The following SCNN1B variants were observed in gnomAD, a reference collection of about 807,000 sequenced individuals.
The protein encoded by SCNN1B is sodium channel epithelial 1 subunit beta, also known as epithelial sodium channel subunit beta.
SCNN1B carries 46 observed loss-of-function variants against 65.3 expected under a neutral mutation model. The observed-to-expected ratio is 0.70, with a 90% CI of 0.56 to 0.90. The LOEUF (loss-of-function observed/expected upper bound fraction) is 0.90, where lower values mean the gene tolerates loss of function less well. SCNN1B is among the 40% of genes least tolerant of loss of function. The pLI, the probability that SCNN1B is intolerant of heterozygous loss-of-function variation, is 0.00. For synonymous variants in SCNN1B, 349 were observed against 330.6 expected, an observed-to-expected ratio of 1.06 and a Z score of -0.60; for missense variants, 751 against 830.5, an observed-to-expected ratio of 0.90 and a Z score of 1.18.
Position 23,371,313 on chromosome 16 carries a change from C to G in SCNN1B, c.895C>G (p.Leu299Val), listed in dbSNP as rs35728064. Residue 299 changes from leucine (L) to valine (V), a missense_variant, in exon 6 of 13, where the codon CTG (leucine) becomes GTG (valine). By Grantham distance (32) the Leu-to-Val change is conservative. Coordinates refer to ENST00000343070, the MANE Select transcript of SCNN1B (RefSeq NM_000336.3). ...PGTEFGLKLI[L>V]DIGQEDYVPF... ...CCTCCCCACAGGCCTGAAGTTGATC[C>G]TGGACATAGGCCAGGAAGACTACGT... The G allele has an allele frequency of 3.1e-6, 5 of 1,613,992 alleles. No individual in the cohort carries two copies. Among genetic ancestry groups the G allele is most frequent in the Non-Finnish European group, 4.2e-6 (5 of 1,180,010 alleles).
At chr16:23,283,507 G>A (rs903396558) in intron 1 of SCNN1B, among the ~76,000 whole-genome samples, 1 of 152,206 alleles carries the variant, frequency 6.6e-6, no homozygotes, top group African/African-American at 2.4e-5. Flanking sequence ...CTTGTGTAAT[G>A]TATTGAATAT....
chr16:23,303,195 C>G (rs1463659094), intron 1 of SCNN1B, among the ~76,000 whole-genome samples: 11 of 152,224 alleles, frequency 7.2e-5, no homozygotes, highest in Admixed American at 2.0e-4. Flanking sequence ...CATTCTCACT[C>G]TAGCGTGGAG....
Position 23,348,916 on chromosome 16 carries a change from T to C in SCNN1B, c.311+6T>C. 1 of 1,613,902 alleles carries C rather than the reference T, an allele frequency of 6.2e-7. No homozygotes were observed. On this transcript the variant is annotated splice_donor_region_variant and intron_variant, in intron 2 of 12. Transcript: ENST00000343070. This position sits in a 1 kb window ranked among gnomAD's most constrained non-coding sequence, Gnocchi z 4.5. ...TGCAATGCTAGCCCCTTCAAGTAGGTGGCCCCGGAGTGCACAGCTGGCCTC... is the reference window on the plus strand; with the variant it reads ...TGCAATGCTAGCCCCTTCAAGTAGGCGGCCCCGGAGTGCACAGCTGGCCTC...
intron 2 of SCNN1B, among the ~76,000 whole-genome samples, chr16:23,294,611 C>T (rs1427902465): frequency 6.6e-6 from 1 of 152,202 alleles, no homozygotes; most frequent in Non-Finnish European, 1.5e-5. Context: ...TCTGCCTGTA[C>T]ATTCTTCTTC....
intron 1 of SCNN1B, among the ~76,000 whole-genome samples, chr16:23,282,497 TG>T (rs1960797401): frequency 6.6e-6 from 1 of 152,222 alleles, no homozygotes. Context: ...AAGGAATCTA[TG>T]AATACTCCTC....
Position 23,380,128 on chromosome 16 carries a change from G to C in SCNN1B, c.1501G>C (p.Glu501Gln). 1 of 1,614,144 alleles carries C rather than the reference G, an allele frequency of 6.2e-7. No homozygotes were observed. The highest frequency in any genetic ancestry group is 8.5e-7 in the Non-Finnish European group (1 of 1,180,018). Residue 501 changes from glutamate to glutamine, a missense_variant, in exon 12 of 13, where the codon GAA (glutamate) becomes CAA (glutamine). By Grantham distance (29) the Glu-to-Gln change is conservative (BLOSUM62 2). Coordinates refer to ENST00000343070, the MANE Select transcript of SCNN1B (RefSeq NM_000336.3). The surrounding 1 kb of genome is among the most constrained non-coding windows in gnomAD (Gnocchi z 5.4). ...TGTCAAGCTCAACATCTACTTCCAA[G>C]AATTTAACTATCGCACCATTGAAGA... ...GIVKLNIYFQ[E>Q]FNYRTIEESA...
rs1201784601 is a variant in SCNN1B at position 23,316,692 on chromosome 16, TCAA to T, written c.-9+14258_-9+14260del. 2.6e-3 allele frequency among the ~76,000 whole-genome samples: 354 copies of T among 137,436 alleles called. 2 individuals are homozygous for T. Among genetic ancestry groups the T allele is most frequent in the African/African-American group, 9.1e-3 (325 of 35,798 alleles). 90.2% of individuals were successfully genotyped at this position (137,436 alleles called of 152,430 possible). On this transcript the variant is annotated intron_variant, in intron 1 of 12. Coordinates refer to ENST00000343070, the MANE Select transcript of SCNN1B (RefSeq NM_000336.3). ...ACCATCATCACCATCACCATCATCA[TCAA>T]CACCATCACCATCACCACCATCACC...
rs528367694 is a variant in SCNN1B at position 23,287,170 on chromosome 16, A to T, written n.178+3366A>T. 2.6e-5 allele frequency among the ~76,000 whole-genome samples: 4 copies of T among 151,702 alleles called. No homozygotes were observed. In the East Asian group the frequency reaches 7.8e-4, roughly 30 times the overall value. ...CAGGCACCTACCACCACGCCCGGCTAATTTTTATATTTTTAGTAGTGATGG... is the reference window on the plus strand; with the variant it reads ...CAGGCACCTACCACCACGCCCGGCTTATTTTTATATTTTTAGTAGTGATGG... On this transcript the variant is annotated intron_variant and non_coding_transcript_variant, in intron 2 of 3. Coordinates refer to the SCNN1B transcript ENST00000569789.
chr16:23,316,342 C>G (rs571743941), intron 1 of SCNN1B, among the ~76,000 whole-genome samples: 21 of 149,574 alleles, frequency 1.4e-4, no homozygotes, highest in Admixed American at 8.0e-4. Flanking sequence ...TCACCACCAT[C>G]GCCGTCACCA....
intron 5 of SCNN1B, among the ~76,000 whole-genome samples, chr16:23,368,398 G>A (rs183585356): frequency 1.0e-3 from 154 of 152,086 alleles, no homozygotes; most frequent in African/African-American, 3.4e-3. Flanking sequence ...AAAAATTAGC[G>A]AGGCATGATG....
At position 23,377,222 on chromosome 16, in the gene SCNN1B, T is replaced by G. The variant is rs142572398; in HGVS notation, c.1328T>G (p.Met443Arg). Residue 443 changes from methionine to arginine, a missense_variant, in exon 9 of 13, where the codon ATG becomes AGG. Physicochemically the swap from Met to Arg is moderately conservative, Grantham distance 91. Transcript: ENST00000343070. ...GCGCAGAGAGAGACCTGCATTGGCA[T>G]GTGCAAGGAGTCCTGCAAGTGAGTG... ...SVAQRETCIG[M>R]CKESCNDTQY... 1 of 1,614,208 alleles carries G rather than the reference T, an allele frequency of 6.2e-7. No individual in the cohort carries two copies. Among genetic ancestry groups the G allele is most frequent in the East Asian group, 2.2e-5 (1 of 44,878 alleles).
intron 2 of SCNN1B, among the ~76,000 whole-genome samples, chr16:23,291,208 C>T (rs975813188): frequency 1.3e-5 from 2 of 151,946 alleles, no homozygotes; most frequent in Non-Finnish European, 2.9e-5. Flanking sequence ...ACTACAGGTG[C>T]ATGCCACCAA....
At chr16:23,346,393 TG>T (rs779126850) in intron 1 of SCNN1B, among the ~76,000 whole-genome samples, 46 of 151,416 alleles carry the variant, frequency 3.0e-4, no homozygotes, top group Non-Finnish European at 5.9e-4. Flanking sequence ...AGCTAATTTT[TG>T]TATTTTTAGT....
In SCNN1B at chr16:23,353,019, G is replaced by T. The variant is rs748962184; in HGVS notation, c.530G>T (p.Ser177Ile). ...FGDNHNGLTS[S>I]SASEKICNAH... Reference sequence around the variant, plus strand: ...GACAACCACAATGGCTTAACAAGCAGCTCAGCATCAGAAAAGATCTGTAAT... The same window carrying T: ...GACAACCACAATGGCTTAACAAGCATCTCAGCATCAGAAAAGATCTGTAAT... The change falls in exon 3 of 13, where the codon AGC becomes ATC. Residue 177 changes from serine to isoleucine, a missense_variant. Coordinates refer to ENST00000343070, the MANE Select transcript of SCNN1B (RefSeq NM_000336.3). 1 of 1,614,056 alleles carries T rather than the reference G, an allele frequency of 6.2e-7. No homozygotes were observed. Among genetic ancestry groups the T allele is most frequent in the Non-Finnish European group, 8.5e-7 (1 of 1,180,052 alleles).
rs531472088 is a variant in SCNN1B, at chr16:23,380,215, C to A, written c.1542+46C>A. On this transcript the variant is annotated intron_variant, in intron 12 of 12. Transcript: ENST00000343070. The surrounding 1 kb of genome is among the most constrained non-coding windows in gnomAD (Gnocchi z 5.4). Reference sequence around the variant, plus strand: ...ATACCCCAGCCCTGCCCTGCCCTGACCCCTGCACCCTGAGGGTGGGGGAAG... The same window carrying A: ...ATACCCCAGCCCTGCCCTGCCCTGAACCCTGCACCCTGAGGGTGGGGGAAG... 3.9e-6 allele frequency: 6 copies of A among 1,551,808 alleles called. No individual in the cohort carries two copies. The highest frequency in any genetic ancestry group is 2.2e-5 in the South Asian group (2 of 89,832).
intron 4 of SCNN1B, among the ~76,000 whole-genome samples, chr16:23,365,533 GAGAAGGAAAGAGAA>G (rs1425516705): frequency 1.6e-4 from 20 of 122,994 alleles, no homozygotes; most frequent in South Asian, 5.0e-4. Flanking sequence ...GAGAGAAAGA[GAGAAGGAAAGAGAA>G]AGAAGGAAAG....
At chr16:23,366,446 G>A (rs1461101452) in intron 4 of SCNN1B, among the ~76,000 whole-genome samples, 1 of 152,038 alleles carries the variant, frequency 6.6e-6, no homozygotes. Context: ...TCAAACTCCT[G>A]GGCTCAGTTG....
intron 4 of SCNN1B, among the ~76,000 whole-genome samples, chr16:23,355,897 C>A (rs566372581): frequency 1.3e-5 from 2 of 151,912 alleles, no homozygotes; most frequent in African/African-American, 4.8e-5. Context: ...TCAAGACCAG[C>A]CTGGGTAATA....
intron 1 of SCNN1B, among the ~76,000 whole-genome samples, chr16:23,347,181 G>T (rs1041142494): frequency 1.8e-4 from 27 of 152,022 alleles, no homozygotes; most frequent in African/African-American, 5.3e-4. Context: ...GCATCTCAGG[G>T]CATGGGGTCC....
Sources: allele counts gnomAD v4.1 joint callset (sites outside exome capture counted in the v4.1 genomes callset), GRCh38; gene constraint gnomAD v4.1.1; non-coding constraint Gnocchi (gnomAD v3.1); transcripts MANE v1.5; gene names NCBI Gene and HGNC (gene_info 2026-07-23, HGNC 2026-07-21).